Variants in OCA2 observed in about 807,000 individuals in gnomAD.
The protein encoded by OCA2 is OCA2 melanosomal transmembrane protein, also known as P protein.
A neutral mutation model predicts 100.2 loss-of-function variants in OCA2; 77 were observed. The observed-to-expected ratio is 0.77, with a 90% CI of 0.64 to 0.93. The LOEUF (loss-of-function observed/expected upper bound fraction) is 0.93, where lower values mean the gene tolerates loss of function less well. Ranked by LOEUF, OCA2 falls within the 40% of genes least tolerant of loss-of-function variation. The pLI is 0.00. For missense variants in OCA2, 1,062 were observed against 1,089.1 expected, an observed-to-expected ratio of 0.98 and a Z score of 0.35; for synonymous variants, 432 against 439.2, an observed-to-expected ratio of 0.98 and a Z score of 0.21.
At chr15:27,738,511 A>G in the OCA2 span, among the ~76,000 whole-genome samples, 2 of 152,096 alleles carry the variant, frequency 1.3e-5, no homozygotes, top group Admixed American at 6.6e-5. Context: ...CGAGGCGGGC[A>G]GATCACGAGG....
At chr15:27,893,041 G>A (rs766397576) in intron 19 of OCA2, among the ~76,000 whole-genome samples, 10 of 152,168 alleles carry the variant, frequency 6.6e-5, no homozygotes, top group Admixed American at 2.0e-4. Flanking sequence ...CTTTAGCCAT[G>A]AAAGACGTTG....
chr15:28,004,400 C>T (rs943556374), intron 9 of OCA2, among the ~76,000 whole-genome samples: 5 of 152,206 alleles, frequency 3.3e-5, no homozygotes, highest in African/African-American at 9.6e-5. Flanking sequence ...AGCAACAGGC[C>T]GAGGCCCTGA....
intron 14 of OCA2, among the ~76,000 whole-genome samples, chr15:27,971,918 C>T (rs934254531): frequency 3.3e-5 from 5 of 152,134 alleles, no homozygotes; most frequent in Admixed American, 6.5e-5. Context: ...GTGCACCCAT[C>T]ACCAGAGTAG....
At position 27,897,269 on chromosome 15, in the gene OCA2, G is replaced by C. The variant is rs543111702; in HGVS notation, c.2080-25347C>G. The stretch of plus-strand genomic sequence containing the variant: ...GCCTAAAAGAAAAATATAGTTTCCT[G>C]GGTCGGGCCCAGTGCCTCCCTGCCC... On this transcript the variant is annotated intron_variant, in intron 19 of 23. Transcript: ENST00000354638. Among the ~76,000 whole-genome samples, 405 of 152,228 alleles carry C rather than the reference G, an allele frequency of 2.7e-3. 2 individuals are homozygous for C. The highest frequency in any genetic ancestry group is 9.4e-3 in the African/African-American group (391 of 41,542).
intron 14 of OCA2, among the ~76,000 whole-genome samples, chr15:27,973,859 T>C (rs1387552829): frequency 6.6e-6 from 1 of 152,236 alleles, no homozygotes; most frequent in East Asian, 1.9e-4. Flanking sequence ...ATGATTTCTT[T>C]CAGCAGTGTT....
rs528384897 is a variant in OCA2, at chr15:27,978,985, C to A, written c.1503+4360G>T. Among the ~76,000 whole-genome samples, 20 of 152,292 alleles carry A rather than the reference C, an allele frequency of 1.3e-4. No homozygotes were observed. In the South Asian group the frequency reaches 4.2e-3, roughly 32 times the overall value. Reference sequence around the variant, plus strand: ...TACAGGCATGAGCCACCGCGCCTGGCCTTGTATCTTTATATTTTAAACTTG... The same window carrying A: ...TACAGGCATGAGCCACCGCGCCTGGACTTGTATCTTTATATTTTAAACTTG... On this transcript the variant is annotated intron_variant, in intron 14 of 23. Coordinates refer to ENST00000354638, the MANE Select transcript of OCA2 (RefSeq NM_000275.3).
At chr15:27,752,438 G>C (rs148000751), downstream of OCA2, among the ~76,000 whole-genome samples, 4 of 152,146 alleles carry the variant, frequency 2.6e-5, no homozygotes, top group African/African-American at 7.2e-5. Context: ...GCAAGCTCGC[G>C]TGGTCTCTTG....
chr15:27,918,163 G>A (rs901608323), intron 19 of OCA2, among the ~76,000 whole-genome samples: 4 of 139,438 alleles, frequency 2.9e-5, no homozygotes, highest in East Asian at 2.2e-4. Flanking sequence ...GCATGATCTC[G>A]ACTCACTGAA....
At chr15:27,771,958 C>T (rs564905013) in intron 23 of OCA2, among the ~76,000 whole-genome samples, 1 of 152,228 alleles carries the variant, frequency 6.6e-6, no homozygotes, top group South Asian at 2.1e-4. Context: ...TTACTTTGTG[C>T]GCCTATTACT....
intron 23 of OCA2, among the ~76,000 whole-genome samples, chr15:27,838,354 G>A (rs528882468): frequency 2.0e-5 from 3 of 152,232 alleles, no homozygotes; most frequent in Non-Finnish European, 2.9e-5. Context: ...ATGTAATCAG[G>A]GGCATTAAAG....
chr15:27,895,248 T>G (rs549270381), intron 19 of OCA2, among the ~76,000 whole-genome samples: 66 of 152,322 alleles, frequency 4.3e-4, no homozygotes, highest in African/African-American at 1.5e-3. Flanking sequence ...CTCTGGTGTG[T>G]CTTTATTAGC....
intron 23 of OCA2, among the ~76,000 whole-genome samples, chr15:27,763,258 GA>G (rs1043154730): frequency 8.6e-5 from 13 of 150,716 alleles, no homozygotes; most frequent in Admixed American, 1.3e-4. Flanking sequence ...GATTCCATAA[GA>G]AAAAAAAATT....
chr15:28,003,179 T>C (rs1428493181), intron 9 of OCA2, among the ~76,000 whole-genome samples: 1 of 152,230 alleles, frequency 6.6e-6, no homozygotes, highest in Non-Finnish European at 1.5e-5. Context: ...AAGGTACAAA[T>C]TCCTATTGTA....
At chr15:27,902,464 T>C (rs1446732054) in intron 19 of OCA2, among the ~76,000 whole-genome samples, 1 of 152,238 alleles carries the variant, frequency 6.6e-6, no homozygotes, top group Non-Finnish European at 1.5e-5. Flanking sequence ...AATTAAAGTA[T>C]AAATTGGTAA....
the OCA2 span, among the ~76,000 whole-genome samples, chr15:27,736,698 GT>G: frequency 4.6e-5 from 7 of 152,246 alleles, 1 homozygote; most frequent in African/African-American, 1.7e-4. Context: ...ACAGAGTCAA[GT>G]TCCCACCTCC....
At chr15:27,845,201 A>G in intron 22 of OCA2, 149 bp from the exon 23 acceptor site, 1 of 706,832 alleles carries the variant, frequency 1.4e-6, no homozygotes, top group Non-Finnish European at 2.5e-6. Flanking sequence ...ATCTGGAAAC[A>G]CACACACACG....
chr15:28,092,240 G>A (rs536440605), intron 1 of OCA2, among the ~76,000 whole-genome samples: 6 of 152,144 alleles, frequency 3.9e-5, no homozygotes, highest in African/African-American at 1.4e-4. Context: ...AGGGTTGGAG[G>A]GAAATGAAGA....
chr15:27,913,891 GAAAGCA>G (rs2038537814), intron 19 of OCA2, among the ~76,000 whole-genome samples: 2 of 42,068 alleles, frequency 4.8e-5, no homozygotes, highest in Admixed American at 2.8e-4. Flanking sequence ...AAGAAAGAAA[GAAAGCA>G]AGCAAGCAAG....
At chr15:27,995,291 C>T (rs1350095956) in intron 9 of OCA2, among the ~76,000 whole-genome samples, 1 of 152,130 alleles carries the variant, frequency 6.6e-6, no homozygotes, top group Middle Eastern at 3.2e-3. Context: ...ACTTTCCACC[C>T]AACAGCAGAA....
Sources: allele counts gnomAD v4.1 joint callset (sites outside exome capture counted in the v4.1 genomes callset), GRCh38; gene constraint gnomAD v4.1.1; transcripts MANE v1.5; gene names NCBI Gene and HGNC (gene_info 2026-07-23, HGNC 2026-07-21).